The following NR5A2 variants were observed in gnomAD, a reference collection of about 807,000 sequenced individuals.
NR5A2 encodes nuclear receptor subfamily 5 group A member 2.
NR5A2 carries 26 observed loss-of-function variants against 62.7 expected under a neutral mutation model. The observed-to-expected ratio is 0.41, with a 90% CI of 0.30 to 0.58. The LOEUF is 0.58. NR5A2 is among the 20% of genes least tolerant of loss of function. NR5A2 has a pLI of 0.22. For missense variants in NR5A2, 541 were observed against 669.1 expected, an observed-to-expected ratio of 0.81 and a Z score of 2.11; for synonymous variants, 246 against 241.7, an observed-to-expected ratio of 1.02 and a Z score of -0.16.
chr1:200,084,367 C>T (rs781427356), intron 5 of NR5A2, among the ~76,000 whole-genome samples: 20 of 152,072 alleles, frequency 1.3e-4, no homozygotes, highest in Non-Finnish European at 2.4e-4. Flanking sequence ...CCCACATATG[C>T]TCAGGGATTA....
intron 5 of NR5A2, among the ~76,000 whole-genome samples, chr1:200,100,319 CCTTT>C (rs1353376962): frequency 7.2e-6 from 1 of 139,188 alleles, no homozygotes; most frequent in African/African-American, 2.5e-5. Flanking sequence ...TCATATTTTG[CCTTT>C]ATTTATTTAT....
intron 5 of NR5A2, among the ~76,000 whole-genome samples, chr1:200,098,035 T>C (rs1480449336): frequency 6.6e-6 from 1 of 152,242 alleles, no homozygotes; most frequent in Non-Finnish European, 1.5e-5. Flanking sequence ...AAAATATTTG[T>C]CAAAACTTGT....
intron 5 of NR5A2, among the ~76,000 whole-genome samples, chr1:200,089,880 G>C (rs1664737834): frequency 1.3e-5 from 2 of 152,162 alleles, no homozygotes; most frequent in Non-Finnish European, 2.9e-5. Context: ...GAAAAAATTA[G>C]AATTCCTCAA....
At chr1:200,034,858 A>G (rs1013522373) in intron 1 of NR5A2, among the ~76,000 whole-genome samples, 1 of 135,126 alleles carries the variant, frequency 7.4e-6, no homozygotes, top group Non-Finnish European at 1.5e-5. Flanking sequence ...GCTTTTTTAA[A>G]GCTTCGATCA....
intron 7 of NR5A2, among the ~76,000 whole-genome samples, chr1:200,145,274 C>A (rs1350662911): frequency 2.0e-5 from 3 of 152,148 alleles, no homozygotes; most frequent in Admixed American, 6.5e-5. Flanking sequence ...TGAGACACTG[C>A]ACTCCAGCCT....
intron 1 of NR5A2, among the ~76,000 whole-genome samples, chr1:200,035,906 C>T (rs984641643): frequency 1.3e-5 from 2 of 152,158 alleles, no homozygotes; most frequent in Non-Finnish European, 2.9e-5. Context: ...GGTAGTTGAG[C>T]AGAGCTGTCC....
rs11578118 is a variant in NR5A2, at chr1:200,092,369, G to A, written c.1111-18833G>A. Among the ~76,000 whole-genome samples the A allele has an allele frequency of 3.3e-3, 503 of 152,208 alleles. 2 individuals carry two copies. The highest frequency in any genetic ancestry group is 5.5e-3 in the Non-Finnish European group (375 of 68,018). On this transcript the variant is annotated intron_variant, in intron 5 of 7. Coordinates refer to ENST00000367362, the MANE Select transcript of NR5A2 (RefSeq NM_205860.3). The stretch of plus-strand genomic sequence containing the variant: ...CTGTAGTGTGCTTTATTAAAAGCGA[G>A]CAAATACTGAAGGATCCCATTTAAG...
chr1:200,107,099 C>T (rs557898508), intron 5 of NR5A2, among the ~76,000 whole-genome samples: 1 of 152,232 alleles, frequency 6.6e-6, no homozygotes, highest in African/African-American at 2.4e-5. Context: ...TGGGTGCAGA[C>T]CTGCAGGGCA....
At chr1:200,126,139 C>A (rs910753615) in intron 7 of NR5A2, among the ~76,000 whole-genome samples, 1 of 152,150 alleles carries the variant, frequency 6.6e-6, no homozygotes, top group African/African-American at 2.4e-5. Context: ...TGAGTCACAA[C>A]ATCTGGCCCT....
intron 5 of NR5A2, among the ~76,000 whole-genome samples, chr1:200,050,945 G>C (rs1662600683): frequency 6.6e-6 from 1 of 152,096 alleles, no homozygotes; most frequent in Admixed American, 6.6e-5. Flanking sequence ...TATGAAAAAT[G>C]TGCAGAATCT....
At chr1:200,051,715 A>G (rs2102172965) in intron 5 of NR5A2, among the ~76,000 whole-genome samples, 1 of 152,314 alleles carries the variant, frequency 6.6e-6, no homozygotes, top group East Asian at 1.9e-4. Flanking sequence ...TAGTTTCAGT[A>G]GAGAGTTGGG....
intron 1 of NR5A2, chr1:200,038,752 A>C: frequency 7.3e-7 from 1 of 1,365,374 alleles, no homozygotes; most frequent in Non-Finnish European, 9.8e-7. Flanking sequence ...ACGCTCAGAC[A>C]GAGGTCGCTT....
chr1:200,075,672 G>A (rs1663992626), intron 5 of NR5A2, among the ~76,000 whole-genome samples: 1 of 152,158 alleles, frequency 6.6e-6, no homozygotes, highest in African/African-American at 2.4e-5. Flanking sequence ...AGCCAAAGTC[G>A]CACATCTGTG....
chr1:200,075,239 G>A (rs898140863), intron 5 of NR5A2, among the ~76,000 whole-genome samples: 4 of 152,168 alleles, frequency 2.6e-5, no homozygotes, highest in Admixed American at 2.0e-4. Flanking sequence ...GTATACATAA[G>A]TCAGACATTG....
At chr1:200,106,597 A>G (rs1159812478) in intron 5 of NR5A2, among the ~76,000 whole-genome samples, 2 of 152,196 alleles carry the variant, frequency 1.3e-5, no homozygotes, top group East Asian at 1.9e-4. Flanking sequence ...AGGTTTTGCT[A>G]TATAATGTGG....
At chr1:200,127,709 A>AT (rs59916867) in intron 7 of NR5A2, among the ~76,000 whole-genome samples, 4 of 23,186 alleles carry the variant, frequency 1.7e-4, no homozygotes, top group Non-Finnish European at 1.4e-4. Flanking sequence ...AAAAAAAAAA[A>AT]ATATATATAT....
chr1:200,033,107 G>A (rs542185669), intron 1 of NR5A2, among the ~76,000 whole-genome samples: 1 of 152,320 alleles, frequency 6.6e-6, no homozygotes, highest in South Asian at 2.1e-4. Context: ...AGGTCTGAGT[G>A]GGGTGGGACA....
intron 7 of NR5A2, among the ~76,000 whole-genome samples, chr1:200,149,570 CA>C (rs1667893913): frequency 6.6e-6 from 1 of 152,190 alleles, no homozygotes; most frequent in African/African-American, 2.4e-5. Context: ...CAACACGCAG[CA>C]AATTGGGGTG....
intron 1 of NR5A2, among the ~76,000 whole-genome samples, chr1:200,028,650 A>G (rs2816949): frequency 0.35 from 52,584 of 152,092 alleles, 13,670 homozygotes; most frequent in African/African-American, 0.74. Flanking sequence ...ATTCCCAGTG[A>G]TCTGTAATTA....
Sources: allele counts gnomAD v4.1 joint callset (sites outside exome capture counted in the v4.1 genomes callset), GRCh38; gene constraint gnomAD v4.1.1; transcripts MANE v1.5; gene names NCBI Gene and HGNC (gene_info 2026-07-23, HGNC 2026-07-21).